The following TMCC1 variants were observed in gnomAD, a reference collection of about 807,000 sequenced individuals.
TMCC1 encodes transmembrane and coiled-coil domain family 1.
In TMCC1, 15 loss-of-function variants were observed where a neutral mutation model predicts 52.4. The ratio of observed to expected loss-of-function variants is 0.29; its 90% CI spans 0.19 to 0.44. The LOEUF (loss-of-function observed/expected upper bound fraction) is 0.44, where lower values mean the gene tolerates loss of function less well. Ranked by LOEUF, TMCC1 falls within the 20% of genes least tolerant of loss-of-function variation. The pLI is 1.00. For synonymous variants in TMCC1, 279 were observed against 301.9 expected (o/e 0.92, Z 0.79); for missense variants, 503 against 806.0 (o/e 0.62, Z 4.55).
chr3:129,729,149 T>G (rs1430869925), intron 4 of TMCC1, among the ~76,000 whole-genome samples: 1 of 152,180 alleles, frequency 6.6e-6, no homozygotes, highest in Admixed American at 6.5e-5. Context: ...CACCAAATTT[T>G]TCCAGAGTAG....
chr3:129,756,592 G>A (rs923233098), intron 4 of TMCC1, among the ~76,000 whole-genome samples: 6 of 152,128 alleles, frequency 3.9e-5, no homozygotes, highest in Non-Finnish European at 7.4e-5. Context: ...TAGAGACGGG[G>A]TTTCACCATG....
chr3:129,891,480 T>C (rs2061959978), intron 1 of TMCC1, among the ~76,000 whole-genome samples: 1 of 152,234 alleles, frequency 6.6e-6, no homozygotes, highest in South Asian at 2.1e-4. Flanking sequence ...TGTCTGTGGC[T>C]GCTTTTGTAC....
intron 4 of TMCC1, among the ~76,000 whole-genome samples, chr3:129,765,044 C>T (rs537571456): frequency 9.5e-4 from 143 of 150,848 alleles, no homozygotes; most frequent in Non-Finnish European, 1.6e-3. Flanking sequence ...AAAAGCGATC[C>T]TCCCTCCTCC....
rs1241689433 is a variant in TMCC1 at position 129,828,687 on chromosome 3, T to C, written c.-130-179A>G. 4.6e-5 allele frequency among the ~76,000 whole-genome samples: 7 copies of C among 152,198 alleles called. No individual in the cohort carries two copies. Among genetic ancestry groups the C allele is most frequent in the Admixed American group, 4.6e-4 (7 of 15,278 alleles). On this transcript the variant is annotated intron_variant, in intron 3 of 6. Transcript: ENST00000393238. This position sits in a 1 kb window ranked among gnomAD's most constrained non-coding sequence, Gnocchi z 4.1. ...CAGTTTTCTAGATAGTGGGTAATGA[T>C]TATTTTTTAGAATGAGAGAAAAAGC... is the stretch of plus-strand genomic sequence containing the variant.
At chr3:129,677,655 T>C (rs2088571443) in intron 4 of TMCC1, among the ~76,000 whole-genome samples, 1 of 152,204 alleles carries the variant, frequency 6.6e-6, no homozygotes, top group African/African-American at 2.4e-5. Context: ...GGATCCAAAA[T>C]GCTCAATAGG....
At chr3:129,849,515 A>G (rs2059815620) in intron 2 of TMCC1, among the ~76,000 whole-genome samples, 1 of 150,064 alleles carries the variant, frequency 6.7e-6, no homozygotes, top group Non-Finnish European at 1.5e-5. Context: ...CTGTAACCCC[A>G]GCACTTCGGG....
intron 4 of TMCC1, among the ~76,000 whole-genome samples, chr3:129,799,391 A>G (rs990891605): frequency 3.9e-5 from 6 of 152,140 alleles, no homozygotes; most frequent in Non-Finnish European, 8.8e-5. Flanking sequence ...GTATCCAACT[A>G]ACTCAAGGTT....
chr3:129,891,294 A>G (rs1413088964), intron 1 of TMCC1, among the ~76,000 whole-genome samples: 1 of 152,352 alleles, frequency 6.6e-6, no homozygotes, highest in South Asian at 2.1e-4. Context: ...TATAATCTAT[A>G]GGCCAAATCC....
At chr3:129,698,460 C>G (rs1304035821) in intron 4 of TMCC1, among the ~76,000 whole-genome samples, 4 of 152,168 alleles carry the variant, frequency 2.6e-5, no homozygotes, top group Non-Finnish European at 4.4e-5. Flanking sequence ...CAAACCATAT[C>G]ACAATGTAAA....
At chr3:129,700,469 G>T (rs1333914073) in intron 4 of TMCC1, among the ~76,000 whole-genome samples, 1 of 152,100 alleles carries the variant, frequency 6.6e-6, no homozygotes, top group Non-Finnish European at 1.5e-5. Flanking sequence ...CTGGGAAAAA[G>T]ATGTCTTTTA....
chr3:129,870,180 T>A (rs1308520313), intron 2 of TMCC1, among the ~76,000 whole-genome samples: 3 of 152,070 alleles, frequency 2.0e-5, no homozygotes, highest in African/African-American at 7.2e-5. Context: ...ATTCTACTTG[T>A]CTACACATTT....
chr3:129,761,721 T>C (rs1323521085), intron 4 of TMCC1, among the ~76,000 whole-genome samples: 1 of 152,144 alleles, frequency 6.6e-6, no homozygotes, highest in Non-Finnish European at 1.5e-5. Flanking sequence ...CTGGATGCAG[T>C]GGCTCACACC....
rs72985329 is a variant in TMCC1 at position 129,733,685 on chromosome 3, C to T, written c.577-62421G>A. 4.7e-3 allele frequency among the ~76,000 whole-genome samples: 712 copies of T among 152,216 alleles called. 8 individuals are homozygous for T. Among genetic ancestry groups the T allele is most frequent in the African/African-American group, 0.016 (675 of 41,538 alleles). ...TTCCTAAAACAAGGTTTTAGTTTTG[C>T]GGTCTTGAAAACAGAGTATTTCACC... On this transcript the variant is annotated intron_variant, in intron 4 of 6. Transcript: ENST00000393238.
chr3:129,877,544 C>T (rs2061273618), intron 2 of TMCC1, among the ~76,000 whole-genome samples: 1 of 151,992 alleles, frequency 6.6e-6, no homozygotes, highest in Admixed American at 6.6e-5. Flanking sequence ...TTAACAATAC[C>T]CAGAGGTATA....
Position 129,650,201 on chromosome 3 carries a change from ATT to A in TMCC1, c.*1278_*1279del, listed in dbSNP as rs2086239302. ...ATAAATTAAGGAAACACAAGGACTT[ATT>A]TATGACTCTTATAGTCTCAACTTTT... On this transcript the variant is annotated 3_prime_UTR_variant, in exon 7 of 7. Coordinates refer to ENST00000393238, the MANE Select transcript of TMCC1 (RefSeq NM_001017395.5). The A allele has an allele frequency of 1.3e-5, 2 of 151,788 alleles. No homozygotes were observed. The highest frequency in any genetic ancestry group is 2.9e-5 in the Non-Finnish European group (2 of 67,950). 9.4% of individuals were successfully genotyped at this position (151,788 alleles called of 1,614,324 possible).
chr3:129,718,684 A>G (rs967630727), intron 4 of TMCC1, among the ~76,000 whole-genome samples: 1 of 152,228 alleles, frequency 6.6e-6, no homozygotes, highest in African/African-American at 2.4e-5. Context: ...ACATATGTAA[A>G]TACAGTACTG....
intron 4 of TMCC1, among the ~76,000 whole-genome samples, chr3:129,773,876 G>A (rs1184309580): frequency 6.6e-6 from 1 of 152,158 alleles, no homozygotes; most frequent in Admixed American, 6.5e-5. Context: ...TCAGGAGTTG[G>A]AGGTGGCAGT....
At chr3:129,859,905 C>A (rs1402995412) in intron 2 of TMCC1, among the ~76,000 whole-genome samples, 1 of 152,080 alleles carries the variant, frequency 6.6e-6, no homozygotes, top group Admixed American at 6.6e-5. Flanking sequence ...ATACCATAAT[C>A]CAGCCTCCAT....
chr3:129,876,584 AAG>A (rs1464429074), intron 2 of TMCC1, among the ~76,000 whole-genome samples: 1 of 151,900 alleles, frequency 6.6e-6, no homozygotes, highest in Non-Finnish European at 1.5e-5. Flanking sequence ...GCTTGAAGCC[AAG>A]AGTTTGAGAC....
Sources: gnomAD v4.1 joint callset for allele counts (sites outside exome capture counted in the v4.1 genomes callset) on GRCh38, gnomAD v4.1.1 for gene constraint, Gnocchi (gnomAD v3.1) non-coding constraint, MANE v1.5 for transcripts, NCBI Gene and HGNC (gene_info 2026-07-23, HGNC 2026-07-21) for gene names.